The following RB1CC1 variants were observed in gnomAD, a reference collection of about 807,000 sequenced individuals.
RB1CC1 encodes the protein RB1 inducible coiled-coil 1.
Under a neutral mutation model 177.5 loss-of-function variants are expected in RB1CC1, and 46 were observed. The observed-to-expected ratio is 0.26, with a 90% CI of 0.20 to 0.33. The LOEUF (loss-of-function observed/expected upper bound fraction) is 0.33, where lower values mean the gene tolerates loss of function less well. RB1CC1 is among the 10% of genes least tolerant of loss of function. The pLI is 1.00. For missense variants in RB1CC1, 1,703 were observed against 1,816.3 expected (o/e 0.94, Z 1.13); for synonymous variants, 666 against 613.6 (o/e 1.09, Z -1.26).
At chr8:52,640,292 A>G (rs1428382959) in intron 18 of RB1CC1, among the ~76,000 whole-genome samples, 1 of 152,182 alleles carries the variant, frequency 6.6e-6, no homozygotes, top group Non-Finnish European at 1.5e-5. Context: ...CAACGGGTAC[A>G]AAGCTACAGC....
In RB1CC1 at chr8:52,656,956, A is replaced by G. The variant is rs763574401; in HGVS notation, c.2873T>C (p.Val958Ala). ...ATGGAGCTTTTTTAAGTCTTCTAAC[A>G]CTATTTCTCGTGACTGCTTCAGTTC... The part of the protein sequence containing the change: ...IKELKQSREI[V>A]LEDLKKLHVE... The change falls in exon 15 of 24, where the codon GTG becomes GCG. Residue 958 changes from valine to alanine, a missense_variant. Val to Ala is a moderately conservative substitution (Grantham distance 64). Coordinates refer to ENST00000025008, the MANE Select transcript of RB1CC1 (RefSeq NM_014781.5). 4 of 1,613,566 alleles carry G rather than the reference A, an allele frequency of 2.5e-6. No individual in the cohort carries two copies. Among genetic ancestry groups the G allele is most frequent in the Admixed American group, 1.7e-5 (1 of 59,992 alleles).
At chr8:52,646,719 G>A (rs979351008) in intron 15 of RB1CC1, among the ~76,000 whole-genome samples, 6 of 152,200 alleles carry the variant, frequency 3.9e-5, no homozygotes, top group Non-Finnish European at 8.8e-5. Flanking sequence ...CAAAGTGCTA[G>A]AGATGAGAAT....
At chr8:52,678,235 T>C (rs1853328385) in intron 5 of RB1CC1, among the ~76,000 whole-genome samples, 2 of 152,044 alleles carry the variant, frequency 1.3e-5, no homozygotes, top group Non-Finnish European at 2.9e-5. Context: ...CTGGCCAAGA[T>C]GGTGAAACCC....
chr8:52,697,406 A>C (rs762419091), intron 1 of RB1CC1, among the ~76,000 whole-genome samples: 3 of 152,196 alleles, frequency 2.0e-5, no homozygotes, highest in Non-Finnish European at 4.4e-5. Flanking sequence ...GACTTAAAAC[A>C]ACTGTATAAT....
intron 1 of RB1CC1, among the ~76,000 whole-genome samples, chr8:52,696,521 G>T (rs1193549422): frequency 6.6e-6 from 1 of 152,112 alleles, no homozygotes; most frequent in Admixed American, 6.5e-5. Flanking sequence ...GCTTCTACTG[G>T]CTATGATGGG....
intron 22 of RB1CC1, among the ~76,000 whole-genome samples, chr8:52,626,356 C>T (rs1053795582): frequency 2.0e-4 from 30 of 152,068 alleles, no homozygotes; most frequent in Non-Finnish European, 1.9e-4. Flanking sequence ...TTTAATGTTT[C>T]CCAGATTTAA....
intron 1 of RB1CC1, among the ~76,000 whole-genome samples, chr8:52,713,518 C>G (rs1289320695): frequency 6.6e-6 from 1 of 152,184 alleles, no homozygotes; most frequent in East Asian, 1.9e-4. Context: ...TAACTTTATA[C>G]CGATCCTCGC....
intron 20 of RB1CC1, among the ~76,000 whole-genome samples, chr8:52,633,043 TACCTATG>T (rs935271454): frequency 5.3e-5 from 8 of 152,350 alleles, no homozygotes; most frequent in African/African-American, 1.9e-4. Flanking sequence ...GTCTCTTATC[TACCTATG>T]ACCTGGAAGC....
In RB1CC1 at chr8:52,657,917, CAG is replaced by C. The variant is rs1433108875; in HGVS notation, c.1921-11_1921-10del. The stretch of plus-strand genomic sequence containing the variant: ...GTCTGACTCACAGATGCCTGGAAAA[CAG>C]AAAGAAAGGCTTAAAGAGCTGCAGG... On this transcript the variant is annotated splice_polypyrimidine_tract_variant and intron_variant, in intron 14 of 23. Transcript: ENST00000025008. 1.8e-5 allele frequency: 29 copies of C among 1,612,428 alleles called. No individual in the cohort carries two copies. The highest frequency in any genetic ancestry group is 2.5e-5 in the Non-Finnish European group (29 of 1,179,224).
chr8:52,658,124 C>A lies in RB1CC1; in HGVS notation c.1794G>T (p.Arg598Ser), dbSNP rs778977249. 3 of 1,608,674 alleles carry A rather than the reference C, an allele frequency of 1.9e-6. No individual in the cohort carries two copies. The highest frequency in any genetic ancestry group is 2.5e-6 in the Non-Finnish European group (3 of 1,178,580). The change falls in exon 14 of 24, where the codon AGG becomes AGT. Residue 598 changes from arginine to serine, a missense_variant and splice_region_variant. Coordinates refer to ENST00000025008, the MANE Select transcript of RB1CC1 (RefSeq NM_014781.5). Reference sequence around the variant, plus strand: ...GTTCAAAGTCACAAAGTAAGGGAACCCTGAAACAGAATGCAATGCAATTAG... The same window carrying A: ...GTTCAAAGTCACAAAGTAAGGGAACACTGAAACAGAATGCAATGCAATTAG... ...FCPSEVQPFL[R>S]VPLLCDFEPL...
chr8:52,661,158 C>G lies in RB1CC1; in HGVS notation c.1482G>C (p.Gln494His), dbSNP rs376813305. 3 of 1,613,770 alleles carry G rather than the reference C, an allele frequency of 1.9e-6. No homozygotes were observed. Among genetic ancestry groups the G allele is most frequent in the Non-Finnish European group, 1.7e-6 (2 of 1,179,872 alleles). ...CCTCAACAACAGCTAAGCAGTACAT[C>G]TGAGGAACTGTACTAAGAGCTTCAA... ...KIVEALSTVP[Q>H]MYCLAVVEVV... The change falls in exon 10 of 24, where the codon CAG becomes CAC. Residue 494 changes from glutamine to histidine, a missense_variant. Gln to His is a conservative substitution (Grantham distance 24). Around this residue, in one of 6 missense-constraint regions of RB1CC1, gnomAD observed 1,169 missense variants for 1,184.7 expected, o/e 0.99. Transcript: ENST00000025008.
At chr8:52,638,941 C>A (rs1849356949) in intron 18 of RB1CC1, among the ~76,000 whole-genome samples, 1 of 152,110 alleles carries the variant, frequency 6.6e-6, no homozygotes, top group South Asian at 2.1e-4. Context: ...TGTGGCTATA[C>A]CAATAATGTA....
At chr8:52,636,978 T>C (rs149415522) in intron 18 of RB1CC1, among the ~76,000 whole-genome samples, 42 of 152,356 alleles carry the variant, frequency 2.8e-4, no homozygotes, top group African/African-American at 8.7e-4. Flanking sequence ...CAGTGTCTTA[T>C]TACCCTTGCT....
At chr8:52,627,969 A>C in intron 22 of RB1CC1, 63 bp downstream of exon 22, 1 of 1,403,294 alleles carries the variant, frequency 7.1e-7, no homozygotes. Context: ...GGGAAAAAAA[A>C]ATCTTTACTT....
chr8:52,681,542 A>AT (rs1201640437), intron 5 of RB1CC1, among the ~76,000 whole-genome samples: 2 of 152,322 alleles, frequency 1.3e-5, no homozygotes, highest in Admixed American at 1.3e-4. Context: ...TAATGAATTG[A>AT]TTAGACCTAT....
chr8:52,681,136 C>A (rs548133878), intron 5 of RB1CC1, among the ~76,000 whole-genome samples: 7 of 151,806 alleles, frequency 4.6e-5, no homozygotes, highest in African/African-American at 1.7e-4. Flanking sequence ...GGACTACAGG[C>A]ACATGCCAGC....
intron 2 of RB1CC1, 58 bp downstream of exon 2, chr8:52,686,795 T>C: frequency 2.9e-6 from 1 of 344,460 alleles, no homozygotes; most frequent in South Asian, 2.3e-5. Context: ...ATTTCCAGAA[T>C]CATTATTTTA....
At position 52,645,828 on chromosome 8, in the gene RB1CC1, T is replaced by G; in HGVS notation, c.3861A>C (p.Leu1287Phe). Residue 1287 changes from leucine to phenylalanine, a missense_variant, in exon 16 of 24, where the codon TTA becomes TTC. Physicochemically the swap from Leu to Phe is conservative, Grantham distance 22 (BLOSUM62 0). Transcript: ENST00000025008. Reference sequence around the variant, plus strand: ...GAAGCTTTTCTTGAAGTTCAGCAACTAAGCTTGAAGAATCTCCTCTGGTAG... The same window carrying G: ...GAAGCTTTTCTTGAAGTTCAGCAACGAAGCTTGAAGAATCTCCTCTGGTAG... Reference protein sequence around the residue: ...IDSTRGDSSSLVAELQEKLQE... With the variant: ...IDSTRGDSSSFVAELQEKLQE... The G allele has an allele frequency of 6.2e-7, 1 of 1,610,318 alleles. No individual in the cohort carries two copies. Among genetic ancestry groups the G allele is most frequent in the Non-Finnish European group, 8.5e-7 (1 of 1,179,098 alleles).
intron 6 of RB1CC1, 84 bp downstream of exon 6, chr8:52,676,285 G>T: frequency 7.8e-7 from 1 of 1,280,982 alleles, no homozygotes; most frequent in Non-Finnish European, 1.1e-6. Flanking sequence ...TGGCCTATAA[G>T]AAACAAATTT....
Sources: gnomAD v4.1 joint callset for allele counts (sites outside exome capture counted in the v4.1 genomes callset) on GRCh38, gnomAD v4.1.1 for gene constraint, gnomAD v4.1.1 regional missense constraint, MANE v1.5 for transcripts, NCBI Gene and HGNC (gene_info 2026-07-23, HGNC 2026-07-21) for gene names.